Variants in CCDC171 observed in about 807,000 individuals in gnomAD.
CCDC171 encodes the protein coiled-coil domain-containing protein 171.
CCDC171 carries 177 observed loss-of-function variants against 168.2 expected under a neutral mutation model. The observed-to-expected ratio is 1.05, with a 90% confidence interval of 0.93 to 1.19. CCDC171 has a LOEUF of 1.19. Ranked by LOEUF, CCDC171 falls within the 50% of genes most tolerant of loss-of-function variation. CCDC171 has a pLI of 0.00. For missense variants in CCDC171, 1,991 were observed against 1,539.0 expected, an observed-to-expected ratio of 1.29 and a Z score of -4.91; for synonymous variants, 687 against 540.8, an observed-to-expected ratio of 1.27 and a Z score of -3.75.
intron 21 of CCDC171, among the ~76,000 whole-genome samples, chr9:15,818,890 G>T (rs1588676815): frequency 8.6e-6 from 1 of 116,950 alleles, no homozygotes; most frequent in African/African-American, 3.2e-5. Flanking sequence ...ACACATAATT[G>T]TCAGATTCCC....
chr9:15,716,455 C>A (rs1360782291), intron 11 of CCDC171, among the ~76,000 whole-genome samples: 2 of 151,774 alleles, frequency 1.3e-5, no homozygotes, highest in Admixed American at 1.3e-4. Flanking sequence ...TTTAGGGTGA[C>A]CCTTTTTTTT....
At chr9:15,710,586 C>G (rs2052589222) in intron 11 of CCDC171, among the ~76,000 whole-genome samples, 1 of 151,556 alleles carries the variant, frequency 6.6e-6, no homozygotes, top group Non-Finnish European at 1.5e-5. Context: ...CAGGTGTGAG[C>G]CACTGTGCCA....
chr9:15,647,047 G>C (rs761965452), intron 7 of CCDC171, among the ~76,000 whole-genome samples: 15 of 152,066 alleles, frequency 9.9e-5, no homozygotes, highest in African/African-American at 3.6e-4. Context: ...TTTTGACAAA[G>C]TGTCTCTTAG....
chr9:16,086,646 A>C, the CCDC171 span, among the ~76,000 whole-genome samples: 1 of 151,992 alleles, frequency 6.6e-6, no homozygotes, highest in Non-Finnish European at 1.5e-5. Context: ...TATTTTGTTA[A>C]TATTTTAAGA....
At chr9:15,835,423 A>G (rs1278333370) in intron 21 of CCDC171, among the ~76,000 whole-genome samples, 1 of 152,152 alleles carries the variant, frequency 6.6e-6, no homozygotes, top group African/African-American at 2.4e-5. Context: ...TGAAGATTGT[A>G]TCAATTACAT....
At chr9:15,968,902 G>GT (rs1377970280) in intron 25 of CCDC171, among the ~76,000 whole-genome samples, 1 of 151,970 alleles carries the variant, frequency 6.6e-6, no homozygotes, top group South Asian at 2.1e-4. Flanking sequence ...CATGAAAAAA[G>GT]TTTTTTTCTA....
chr9:15,724,840 A>C lies in CCDC171; in HGVS notation c.1556A>C (p.Asp519Ala), dbSNP rs112017921. ...ELSHLHTKCA[D>A]REALISTLKV... Reference sequence around the variant, plus strand: ...AGTCATTTACACACTAAATGTGCAGACCGAGAGGCTTTAATAAGCACTTTA... The same window carrying C: ...AGTCATTTACACACTAAATGTGCAGCCCGAGAGGCTTTAATAAGCACTTTA... Residue 519 changes from aspartate (D) to alanine (A), a missense_variant, in exon 14 of 26, where the codon GAC (aspartate) becomes GCC (alanine). Physicochemically the swap from Asp to Ala is moderately radical, Grantham distance 126. Coordinates refer to ENST00000380701, the MANE Select transcript of CCDC171 (RefSeq NM_173550.4). 4.3e-6 allele frequency: 7 copies of C among 1,613,878 alleles called. No homozygotes were observed. Among genetic ancestry groups the C allele is most frequent in the Non-Finnish European group, 5.9e-6 (7 of 1,179,796 alleles).
chr9:15,852,983 C>T (rs1262782847), intron 23 of CCDC171, among the ~76,000 whole-genome samples: 2 of 151,434 alleles, frequency 1.3e-5, no homozygotes, highest in African/African-American at 2.4e-5. Context: ...GTTTTGATGA[C>T]GATGTTTTCT....
At chr9:16,024,097 C>G (rs1294506647) in intron 6 of CCDC171, among the ~76,000 whole-genome samples, 1 of 151,990 alleles carries the variant, frequency 6.6e-6, no homozygotes, top group South Asian at 2.1e-4. Context: ...AGAATGCAAG[C>G]TTAAAGAGGC....
chr9:15,975,208 A>G (rs1177828612), downstream of CCDC171, among the ~76,000 whole-genome samples: 2 of 152,198 alleles, frequency 1.3e-5, no homozygotes, highest in African/African-American at 4.8e-5. Flanking sequence ...TTCCATCACC[A>G]TTTTAGACAT....
intron 8 of CCDC171, among the ~76,000 whole-genome samples, chr9:15,665,617 C>G (rs755859644): frequency 1.9e-4 from 29 of 152,150 alleles, no homozygotes; most frequent in Middle Eastern, 3.4e-3. Context: ...CCTATCTCTA[C>G]AAAAAATAAA....
At chr9:15,843,338 GTAGAATATTT>G (rs994393433) in intron 21 of CCDC171, among the ~76,000 whole-genome samples, 10 of 152,038 alleles carry the variant, frequency 6.6e-5, no homozygotes, top group Non-Finnish European at 1.5e-5. Flanking sequence ...TCTTGTGTAG[GTAGAATATTT>G]TTTTCTGCTC....
chr9:15,621,861 C>G (rs1564068348), intron 6 of CCDC171, among the ~76,000 whole-genome samples: 1 of 152,106 alleles, frequency 6.6e-6, no homozygotes, highest in South Asian at 2.1e-4. Context: ...TTCACAATAG[C>G]AAAGACATGG....
intron 24 of CCDC171, among the ~76,000 whole-genome samples, chr9:15,901,964 A>G (rs190933433): frequency 6.6e-6 from 1 of 152,310 alleles, no homozygotes; most frequent in Non-Finnish European, 1.5e-5. Flanking sequence ...GCATGCTTCA[A>G]AGTACTCTTG....
intron 25 of CCDC171, among the ~76,000 whole-genome samples, chr9:15,946,620 C>CA (rs1405790371): frequency 2.6e-5 from 4 of 151,944 alleles, no homozygotes; most frequent in African/African-American, 9.7e-5. Context: ...CATTCAATGC[C>CA]ATCCCCATCA....
the CCDC171 span, among the ~76,000 whole-genome samples, chr9:16,107,968 A>G: frequency 6.6e-6 from 1 of 152,232 alleles, no homozygotes; most frequent in Admixed American, 6.5e-5. Context: ...CTTTATTTCA[A>G]TATAAATGAT....
intron 8 of CCDC171, among the ~76,000 whole-genome samples, chr9:15,665,872 A>T (rs1317808775): frequency 6.6e-6 from 1 of 152,252 alleles, no homozygotes; most frequent in Non-Finnish European, 1.5e-5. Flanking sequence ...GAAAATTTAG[A>T]TTGAGTTGTA....
At chr9:15,943,658 A>G (rs370002309) in intron 25 of CCDC171, among the ~76,000 whole-genome samples, 1 of 152,122 alleles carries the variant, frequency 6.6e-6, no homozygotes, top group East Asian at 1.9e-4. Context: ...CAATCAATAA[A>G]TTATCTTCCC....
downstream of CCDC171, among the ~76,000 whole-genome samples, chr9:16,066,460 C>CT (rs112524958): frequency 0.17 from 24,268 of 144,636 alleles, 2,250 homozygotes; most frequent in African/African-American, 0.27. Flanking sequence ...TTTTTCTTTT[C>CT]TTTTTTTTTT....
Sources: gnomAD v4.1 joint callset for allele counts (sites outside exome capture counted in the v4.1 genomes callset) on GRCh38, gnomAD v4.1.1 for gene constraint, MANE v1.5 for transcripts, NCBI Gene and HGNC (gene_info 2026-07-23, HGNC 2026-07-21) for gene names.